Variants in SYNJ2 observed in about 807,000 individuals in gnomAD.
The protein encoded by SYNJ2 is polyphosphatidylinositol phosphatase SYNJ2.
In SYNJ2, 116 loss-of-function variants were observed where a neutral mutation model predicts 141.3. The ratio of observed to expected loss-of-function variants is 0.82; its 90% CI spans 0.71 to 0.96. SYNJ2 has a LOEUF of 0.96. SYNJ2 is among the 40% of genes least tolerant of loss of function. The pLI, the probability that SYNJ2 is intolerant of heterozygous loss-of-function variation, is 0.00. For missense variants in SYNJ2, 1,873 were observed against 1,934.8 expected (o/e 0.97, Z 0.60); for synonymous variants, 745 against 777.7 (o/e 0.96, Z 0.70).
At chr6:158,005,371 C>A (rs2128322112) in intron 1 of SYNJ2, among the ~76,000 whole-genome samples, 1 of 152,290 alleles carries the variant, frequency 6.6e-6, no homozygotes, top group African/African-American at 2.4e-5. Flanking sequence ...GCCACCACGC[C>A]CGGCCCCCAG....
intron 1 of SYNJ2, among the ~76,000 whole-genome samples, chr6:158,003,943 G>C (rs548015601): frequency 6.6e-6 from 1 of 152,346 alleles, no homozygotes; most frequent in South Asian, 2.1e-4. Flanking sequence ...GAGACGGGGA[G>C]TTCCCCAGCC....
At chr6:157,995,481 A>G (rs1224091941) in intron 1 of SYNJ2, among the ~76,000 whole-genome samples, 1 of 152,090 alleles carries the variant, frequency 6.6e-6, no homozygotes, top group African/African-American at 2.4e-5. Flanking sequence ...TCTTCTGAAC[A>G]CTCCTAAGGT....
chr6:157,987,546 C>T (rs2128313680), intron 1 of SYNJ2, among the ~76,000 whole-genome samples: 1 of 152,156 alleles, frequency 6.6e-6, no homozygotes, highest in South Asian at 2.1e-4. Flanking sequence ...GGACTACAGG[C>T]GCGTGCCATC....
At chr6:158,038,828 C>T (rs763109369) in intron 4 of SYNJ2, among the ~76,000 whole-genome samples, 5 of 152,054 alleles carry the variant, frequency 3.3e-5, no homozygotes, top group African/African-American at 4.8e-5. Context: ...GCCTGGAGGT[C>T]GAGGGGAAGC....
rs553698685 is a variant in SYNJ2, at chr6:158,068,357, G to A, written c.1718-290G>A. ...CTCAGGAGCCTGGGTGTCAGAGGTC[G>A]TGACTGGACAGATTCAGTCAATGGC... On this transcript the variant is annotated intron_variant, in intron 12 of 26. Coordinates refer to ENST00000355585, the MANE Select transcript of SYNJ2 (RefSeq NM_003898.4). 7.2e-5 allele frequency among the ~76,000 whole-genome samples: 11 copies of A among 152,278 alleles called. No individual in the cohort carries two copies. The East Asian group carries it at 1.7e-3, about 24-fold the overall frequency.
At chr6:158,025,456 A>G (rs954021104) in intron 2 of SYNJ2, among the ~76,000 whole-genome samples, 3 of 152,048 alleles carry the variant, frequency 2.0e-5, no homozygotes, top group African/African-American at 7.2e-5. Context: ...CAGGTGAATC[A>G]CCTGAGGTCA....
Position 158,071,501 on chromosome 6 carries a change from A to G in SYNJ2, c.1941-101A>G, listed in dbSNP as rs1194901731. On this transcript the variant is annotated intron_variant, in intron 14 of 26. Transcript: ENST00000355585. This position sits in a 1 kb window ranked among gnomAD's most constrained non-coding sequence, Gnocchi z 4.3. ...GAGCTGATGATTTTGGAGCACTCAG[A>G]GCAGCAGGTCCCGAGCTGCTGCTGG... 1.4e-5 allele frequency: 19 copies of G among 1,371,608 alleles called. No homozygotes were observed. The highest frequency in any genetic ancestry group is 4.3e-4 in the Middle Eastern group (2 of 4,696). 85.0% of individuals were successfully genotyped at this position (1,371,608 alleles called of 1,614,324 possible). A position where few individuals can be genotyped will look rare whatever the true frequency, so the allele number is the denominator to read the frequency against.
rs368434138 is a variant in SYNJ2 at position 158,083,487 on chromosome 6, G to A, written c.2924G>A (p.Arg975Gln). ...PKTKDWLKGL[R>Q]EEIIRKRDSM... ...ACCAAGGACTGGCTGAAAGGTTTGCGAGAGGAGATCATTCGGAAACGAGAC... is the reference window on the plus strand; with the variant it reads ...ACCAAGGACTGGCTGAAAGGTTTGCAAGAGGAGATCATTCGGAAACGAGAC... The change falls in exon 21 of 27, where the codon CGA becomes CAA. Residue 975 changes from arginine (R) to glutamine (Q), a missense_variant. Physicochemically the swap from Arg to Gln is conservative, Grantham distance 43 (BLOSUM62 1). Transcript: ENST00000355585. 43 of 1,614,094 alleles carry A rather than the reference G, an allele frequency of 2.7e-5. No homozygotes were observed. Among genetic ancestry groups the A allele is most frequent in the African/African-American group, 8.0e-5 (6 of 74,926 alleles).
intron 5 of SYNJ2, among the ~76,000 whole-genome samples, chr6:158,047,916 C>G (rs1325038693): frequency 6.6e-6 from 1 of 151,080 alleles, no homozygotes; most frequent in African/African-American, 2.4e-5. Context: ...TCCGGAGAAG[C>G]ATGGCTCTTG....
At chr6:158,024,959 A>C (rs1778962753) in intron 2 of SYNJ2, among the ~76,000 whole-genome samples, 1 of 152,264 alleles carries the variant, frequency 6.6e-6, no homozygotes, top group South Asian at 2.1e-4. Flanking sequence ...CAGGCATTTC[A>C]ACTACCGATG....
At position 158,062,473 on chromosome 6, in the gene SYNJ2, A is replaced by G. The variant is rs140450815; in HGVS notation, c.1127+309A>G. The stretch of plus-strand genomic sequence containing the variant: ...TCATGGTTTTCTGGCAAAAGAAATG[A>G]ACTAATAAAGGGGACTGCATTAAAA... On this transcript the variant is annotated intron_variant, in intron 8 of 26. Transcript: ENST00000355585. 2.7e-3 allele frequency among the ~76,000 whole-genome samples: 414 copies of G among 152,222 alleles called. 2 individuals carry two copies. Among genetic ancestry groups the G allele is most frequent in the African/African-American group, 9.3e-3 (387 of 41,526 alleles).
At position 158,043,928 on chromosome 6, in the gene SYNJ2, G is replaced by A. The variant is rs1013487945; in HGVS notation, c.795+529G>A. ...GCTCTGGTCAGTGCCAGAGAGATTT[G>A]GCATTCTTTCTCCTGGGAAGAGCAC... On this transcript the variant is annotated intron_variant, in intron 5 of 26. Coordinates refer to ENST00000355585, the MANE Select transcript of SYNJ2 (RefSeq NM_003898.4). The surrounding 1 kb of genome is among the most constrained non-coding windows in gnomAD (Gnocchi z 4.0). Among the ~76,000 whole-genome samples, 22 of 152,178 alleles carry A rather than the reference G, an allele frequency of 1.4e-4. No individual in the cohort carries two copies. Among genetic ancestry groups the A allele is most frequent in the Non-Finnish European group, 2.2e-4 (15 of 68,036 alleles).
intron 4 of SYNJ2, among the ~76,000 whole-genome samples, chr6:158,037,308 C>T (rs1264563751): frequency 8.6e-5 from 13 of 151,872 alleles, no homozygotes; most frequent in Non-Finnish European, 1.8e-4. Flanking sequence ...TCTCTGCCTC[C>T]GTTTTCGTGT....
chr6:158,048,325 G>C (rs1475141165), intron 5 of SYNJ2, among the ~76,000 whole-genome samples: 1 of 152,168 alleles, frequency 6.6e-6, no homozygotes, highest in African/African-American at 2.4e-5. Flanking sequence ...CCTTGCAGAG[G>C]GAACAATGGG....
chr6:158,000,955 G>A (rs1172831471), intron 1 of SYNJ2, among the ~76,000 whole-genome samples: 1 of 152,036 alleles, frequency 6.6e-6, no homozygotes, highest in Non-Finnish European at 1.5e-5. Flanking sequence ...ATTCATTAAG[G>A]AGCAGAGTTC....
intron 13 of SYNJ2, among the ~76,000 whole-genome samples, chr6:158,069,214 C>A (rs564141147): frequency 1.3e-5 from 2 of 152,102 alleles, no homozygotes; most frequent in African/African-American, 4.8e-5. Context: ...GCGCTCCCCC[C>A]ACCCCCTGCT....
chr6:158,084,901 T>C lies in SYNJ2; in HGVS notation c.3208+727T>C, dbSNP rs1009505458. Among the ~76,000 whole-genome samples, 5 of 151,960 alleles carry C rather than the reference T, an allele frequency of 3.3e-5. No homozygotes were observed. Among genetic ancestry groups the C allele is most frequent in the Admixed American group, 2.0e-4 (3 of 15,266 alleles). On this transcript the variant is annotated intron_variant, in intron 22 of 26. Transcript: ENST00000355585. The surrounding 1 kb of genome is among the most constrained non-coding windows in gnomAD (Gnocchi z 5.0). Reference sequence around the variant, plus strand: ...CTGAGTTGCTGGCGTATGGTCACACTCATATAATATCATATTATTATACAG... The same window carrying C: ...CTGAGTTGCTGGCGTATGGTCACACCCATATAATATCATATTATTATACAG...
intron 1 of SYNJ2, among the ~76,000 whole-genome samples, chr6:158,010,427 C>T (rs1778220792): frequency 6.6e-6 from 1 of 152,138 alleles, no homozygotes; most frequent in South Asian, 2.1e-4. Context: ...GCTGCCAGGC[C>T]CCTGCCTTCT....
chr6:157,981,796 TGGGGAGGAGGAGGAAGGGGAGGAGGCC>T, upstream of SYNJ2: 2 of 481,174 alleles, frequency 4.2e-6, no homozygotes, highest in Non-Finnish European at 6.2e-6. The surrounding 1 kb of genome is among the most constrained non-coding windows in gnomAD (Gnocchi z 6.4). Context: ...GAGGCGCGAG[TGGGGAGGAGGAGGAAGGGGAGGAGGCC>T]GGGGAGGAGC....
Sources: gnomAD v4.1 joint callset for allele counts (sites outside exome capture counted in the v4.1 genomes callset) on GRCh38, gnomAD v4.1.1 for gene constraint, Gnocchi (gnomAD v3.1) non-coding constraint, MANE v1.5 for transcripts, NCBI Gene and HGNC (gene_info 2026-07-23, HGNC 2026-07-21) for gene names.